The following UIMC1 variants were observed in gnomAD, a reference collection of about 807,000 sequenced individuals.
The protein encoded by UIMC1 is BRCA1-A complex subunit RAP80.
Under a neutral mutation model 84.9 loss-of-function variants are expected in UIMC1, and 42 were observed. That is an observed-to-expected ratio of 0.49 (90% confidence interval 0.39 to 0.64). UIMC1 has a LOEUF of 0.64. UIMC1 is among the 30% of genes least tolerant of loss of function. UIMC1 has a pLI of 0.00. For missense variants in UIMC1, 825 were observed against 847.6 expected (o/e 0.97, Z 0.33); for synonymous variants, 281 against 293.0 (o/e 0.96, Z 0.42).
intron 6 of UIMC1, among the ~76,000 whole-genome samples, chr5:176,963,708 A>G (rs780065736): frequency 6.6e-6 from 1 of 152,088 alleles, no homozygotes. Flanking sequence ...CAGTAGATAC[A>G]GGTCTGAGTA....
intron 3 of UIMC1, among the ~76,000 whole-genome samples, chr5:176,973,877 G>C (rs188681634): frequency 6.6e-6 from 1 of 152,196 alleles, no homozygotes; most frequent in African/African-American, 2.4e-5. Context: ...GGACAACAGA[G>C]GGAGACCCTG....
At chr5:176,933,736 A>G (rs1227010344) in intron 10 of UIMC1, among the ~76,000 whole-genome samples, 2 of 151,784 alleles carry the variant, frequency 1.3e-5, no homozygotes, top group African/African-American at 2.4e-5. Context: ...GTGTCTTCCT[A>G]TGTTGCTCAG....
At chr5:176,912,292 G>A (rs922237729) in intron 10 of UIMC1, among the ~76,000 whole-genome samples, 98 of 152,290 alleles carry the variant, frequency 6.4e-4, no homozygotes, top group African/African-American at 2.2e-3. Flanking sequence ...AGCAGTCACA[G>A]GCTATACATA....
rs2149551045 is a variant in UIMC1, at chr5:177,006,648, A to C, written c.-9+2T>G. ...AGCTGTGCGCAGGCGGCGGGTACTCACTCGCTGGCGCAGGCCGCTCTGTAG... is the reference window on the plus strand; with the variant it reads ...AGCTGTGCGCAGGCGGCGGGTACTCCCTCGCTGGCGCAGGCCGCTCTGTAG... On this transcript the variant is annotated splice_donor_variant, in intron 1 of 14. Coordinates refer to ENST00000511320, the MANE Select transcript of UIMC1 (RefSeq NM_001199298.2). LOFTEE classifies it low-confidence loss of function (5UTR_SPLICE). The C allele has an allele frequency of 6.6e-6, 1 of 151,744 alleles. No homozygotes were observed. Among genetic ancestry groups the C allele is most frequent in the African/African-American group, 2.4e-5 (1 of 41,350 alleles). 9.4% of individuals were successfully genotyped at this position (151,744 alleles called of 1,614,324 possible). A position where few individuals can be genotyped will look rare whatever the true frequency, so the allele number is the denominator to read the frequency against.
chr5:176,911,077 G>A (rs1422015385), intron 11 of UIMC1, among the ~76,000 whole-genome samples: 2 of 133,690 alleles, frequency 1.5e-5, no homozygotes, highest in African/African-American at 2.7e-5. Flanking sequence ...CAAGAAGAGT[G>A]AAACTTCATC....
At chr5:176,922,566 T>C (rs1761835936) in intron 10 of UIMC1, among the ~76,000 whole-genome samples, 1 of 152,240 alleles carries the variant, frequency 6.6e-6, no homozygotes, top group Admixed American at 6.5e-5. Flanking sequence ...CTGTATTTTC[T>C]TTCAGTCTTT....
At chr5:176,949,761 CT>C (rs1255626740) in intron 9 of UIMC1, among the ~76,000 whole-genome samples, 2 of 152,222 alleles carry the variant, frequency 1.3e-5, no homozygotes, top group East Asian at 3.9e-4. Context: ...ATTGTAAAAA[CT>C]TTTTTAAAAA....
chr5:176,952,186 A>G (rs188131826), intron 8 of UIMC1, among the ~76,000 whole-genome samples: 5 of 152,352 alleles, frequency 3.3e-5, no homozygotes, highest in Admixed American at 1.3e-4. Context: ...TTCTAGTTTT[A>G]AAGTATACTG....
intron 8 of UIMC1, among the ~76,000 whole-genome samples, chr5:176,953,668 T>C (rs1766211109): frequency 6.6e-6 from 1 of 152,174 alleles, no homozygotes; most frequent in Non-Finnish European, 1.5e-5. Context: ...ATAAAAAGTC[T>C]TCAATTATGC....
intron 1 of UIMC1, among the ~76,000 whole-genome samples, chr5:176,997,943 G>A (rs1334547615): frequency 1.3e-5 from 2 of 151,954 alleles, no homozygotes; most frequent in African/African-American, 4.8e-5. Flanking sequence ...TCATCCTTCA[G>A]AAGAATAACT....
chr5:176,939,650 G>A (rs1405396422), intron 10 of UIMC1, among the ~76,000 whole-genome samples: 2 of 152,266 alleles, frequency 1.3e-5, no homozygotes, highest in South Asian at 2.1e-4. Flanking sequence ...ATCAAGGTTT[G>A]TGTAAGTATA....
At chr5:177,000,054 G>A (rs1162065123) in intron 1 of UIMC1, among the ~76,000 whole-genome samples, 2 of 152,100 alleles carry the variant, frequency 1.3e-5, no homozygotes, top group African/African-American at 2.4e-5. Context: ...CACCTCCCGG[G>A]TTCACACCAT....
intron 10 of UIMC1, among the ~76,000 whole-genome samples, chr5:176,931,022 CAT>C (rs952961586): frequency 6.6e-5 from 10 of 152,226 alleles, no homozygotes; most frequent in African/African-American, 1.9e-4. Context: ...CAGCTCTACA[CAT>C]GGAAGGCAGA....
Position 176,997,445 on chromosome 5 carries a change from G to A in UIMC1, c.-9+9205C>T, listed in dbSNP as rs545645714. 3.8e-4 allele frequency among the ~76,000 whole-genome samples: 58 copies of A among 152,154 alleles called. 1 individual carries two copies. Among genetic ancestry groups the A allele is most frequent in the African/African-American group, 1.4e-3 (57 of 41,502 alleles). On this transcript the variant is annotated intron_variant, in intron 1 of 14. Transcript: ENST00000511320. ...TCACACCTGTAATCCCGCACTCTGGGAGGCCGAGGCAGGCGGATCACAAGG... is the reference window on the plus strand; with the variant it reads ...TCACACCTGTAATCCCGCACTCTGGAAGGCCGAGGCAGGCGGATCACAAGG...
intron 1 of UIMC1, among the ~76,000 whole-genome samples, chr5:176,990,109 A>G (rs1772595557): frequency 6.7e-6 from 1 of 150,322 alleles, no homozygotes; most frequent in Non-Finnish European, 1.5e-5. Context: ...TGAACCCGGG[A>G]GGTGGAGCTT....
intron 10 of UIMC1, among the ~76,000 whole-genome samples, chr5:176,919,628 T>C (rs542223748): frequency 4.1e-4 from 63 of 152,286 alleles, no homozygotes; most frequent in African/African-American, 1.5e-3. Flanking sequence ...CTATAAAAGC[T>C]TTATGACTTA....
At position 176,917,390 on chromosome 5, in the gene UIMC1, G is replaced by A. The variant is rs114146429; in HGVS notation, c.1598-6001C>T. Among the ~76,000 whole-genome samples the A allele has an allele frequency of 9.4e-3, 1,424 of 152,212 alleles. 28 individuals carry two copies. The highest frequency in any genetic ancestry group is 0.033 in the African/African-American group (1,362 of 41,530). ...AGTTCCAGACCAGCCTGGCCAACAC[G>A]ACAAAATGCTGTCTCTACTGAAAAT... On this transcript the variant is annotated intron_variant, in intron 10 of 14. Transcript: ENST00000511320.
intron 9 of UIMC1, among the ~76,000 whole-genome samples, chr5:176,950,591 C>T (rs1175935154): frequency 2.7e-5 from 4 of 150,306 alleles, no homozygotes; most frequent in Non-Finnish European, 5.9e-5. Flanking sequence ...TACTGAGGAC[C>T]GGGCGCGGTG....
chr5:176,906,162 G>T, intron 13 of UIMC1, 115 bp from the exon 14 acceptor site: 1 of 950,420 alleles, frequency 1.1e-6, no homozygotes, highest in Non-Finnish European at 1.6e-6. Flanking sequence ...GCCTATCCAG[G>T]TAGCACAGAT....
Sources: allele counts gnomAD v4.1 joint callset (sites outside exome capture counted in the v4.1 genomes callset), GRCh38; gene constraint gnomAD v4.1.1; transcripts MANE v1.5; gene names NCBI Gene and HGNC (gene_info 2026-07-23, HGNC 2026-07-21).